Variants in GREB1 observed in about 807,000 individuals in gnomAD.
The protein encoded by GREB1 is growth regulating estrogen receptor binding 1.
Under a neutral mutation model 200.7 loss-of-function variants are expected in GREB1, and 106 were observed. The ratio of observed to expected loss-of-function variants is 0.53; its 90% confidence interval spans 0.45 to 0.62. The LOEUF is 0.62. Among genes scored for constraint, GREB1 ranks in the 20% least tolerant of loss-of-function variants. The pLI, the probability that GREB1 is intolerant of heterozygous loss-of-function variation, is 0.00. For synonymous variants in GREB1, 1,132 were observed against 1,092.4 expected, an observed-to-expected ratio of 1.04 and a Z score of -0.72; for missense variants, 2,243 against 2,556.8, an observed-to-expected ratio of 0.88 and a Z score of 2.65.
rs1439898450 is a variant in GREB1 at position 11,585,176 on chromosome 2, C to A, written c.917C>A (p.Ser306Tyr). The A allele has an allele frequency of 6.4e-7, 1 of 1,573,612 alleles. No homozygotes were observed. The highest frequency in any genetic ancestry group is 8.6e-7 in the Non-Finnish European group (1 of 1,163,212). Residue 306 changes from serine (S) to tyrosine (Y), a missense_variant, in exon 8 of 33, where the codon TCC becomes TAC. This residue lies in a region of GREB1 where 1,178 missense variants were observed against 1,387.4 expected (regional missense o/e 0.85). Coordinates refer to ENST00000381486, the MANE Select transcript of GREB1 (RefSeq NM_014668.4). ...TATTGTCTAGGTATCTTGTCAAACT[C>A]CGGGCCCCCCAAAAAACGCCACAAA... ...RPSALGILSN[S>Y]GPPKKRHKGW... is the part of the protein sequence containing the mutation.
At chr2:11,586,728 T>C (rs1028520743) in intron 9 of GREB1, among the ~76,000 whole-genome samples, 3 of 152,158 alleles carry the variant, frequency 2.0e-5, no homozygotes, top group Non-Finnish European at 4.4e-5. Flanking sequence ...CTACTGTTAA[T>C]TAAGAAATAA....
chr2:11,555,868 G>T (rs1265894513), intron 1 of GREB1, among the ~76,000 whole-genome samples: 1 of 152,150 alleles, frequency 6.6e-6, no homozygotes, highest in Admixed American at 6.5e-5. Flanking sequence ...GGTAAGGTAT[G>T]TGAATTATAT....
chr2:11,608,700 A>G (rs964658331), intron 17 of GREB1, among the ~76,000 whole-genome samples: 1 of 152,214 alleles, frequency 6.6e-6, no homozygotes, highest in East Asian at 1.9e-4. Flanking sequence ...GGTGTTCCAT[A>G]TTGGCTGTGG....
chr2:11,620,674 G>A (rs1428090740), intron 22 of GREB1, among the ~76,000 whole-genome samples: 1 of 152,166 alleles, frequency 6.6e-6, no homozygotes, highest in East Asian at 1.9e-4. Flanking sequence ...TTAAAATCTA[G>A]AGATGCGTGT....
intron 6 of GREB1, 49 bp downstream of exon 6, chr2:11,578,480 CTG>C: frequency 6.3e-7 from 1 of 1,597,392 alleles, no homozygotes; most frequent in Non-Finnish European, 8.6e-7. Context: ...AGAGCTGGCA[CTG>C]TCTCCGATGT....
intron 4 of GREB1, among the ~76,000 whole-genome samples, chr2:11,573,228 C>T (rs533548962): frequency 1.3e-5 from 2 of 152,304 alleles, no homozygotes; most frequent in South Asian, 4.1e-4. Context: ...GCACACATAG[C>T]CGCCCAGGAC....
At chr2:11,587,682 G>A in intron 9 of GREB1, 1 of 1,185,554 alleles carries the variant, frequency 8.4e-7, no homozygotes, top group Non-Finnish European at 1.1e-6. Context: ...TGGAGTACCT[G>A]GAGTACAAGA....
Position 11,519,719 on chromosome 2 carries a change from G to A in GREB1, c.-158-36738G>A, listed in dbSNP as rs774380277. On this transcript the variant is annotated intron_variant, in intron 1 of 2. Transcript: ENST00000628795. ...GATCCACCTGCCTTGGCCTCCCAAA[G>A]TGCTGTGATTACAGGCGTGAACCAC... 3.2e-4 allele frequency among the ~76,000 whole-genome samples: 48 copies of A among 152,088 alleles called. 1 individual carries two copies. Among genetic ancestry groups the A allele is most frequent in the Admixed American group, 7.9e-4 (12 of 15,280 alleles).
At chr2:11,579,408 C>T (rs973118667) in intron 6 of GREB1, among the ~76,000 whole-genome samples, 1 of 152,220 alleles carries the variant, frequency 6.6e-6, no homozygotes, top group Non-Finnish European at 1.5e-5. Flanking sequence ...TTGGGCAAAT[C>T]TCTTCTGTCT....
rs140194583 is a variant in GREB1 at position 11,627,149 on chromosome 2, A to G, written c.4449+45A>G. ...CACCAGGCATTTCACCTTGGCTCAC[A>G]TTGTCCGTTCCCCTGCTCTCTCACG... On this transcript the variant is annotated intron_variant, in intron 25 of 32. Transcript: ENST00000381486. The G allele has an allele frequency of 7.2e-4, 1,089 of 1,518,562 alleles. 12 individuals are homozygous for G. In the African/African-American group the frequency reaches 0.014, roughly 19 times the overall value. The allele number at this position is 1,518,562 out of a possible 1,614,324, so 94.1% of individuals were successfully genotyped here.
chr2:11,589,193 G>A (rs1017746046), intron 10 of GREB1, among the ~76,000 whole-genome samples: 1 of 152,222 alleles, frequency 6.6e-6, no homozygotes, highest in Non-Finnish European at 1.5e-5. Context: ...AGGGAATTGA[G>A]CAAAGACCCT....
intron 6 of GREB1, among the ~76,000 whole-genome samples, chr2:11,579,133 G>A (rs891146711): frequency 1.3e-5 from 2 of 152,206 alleles, no homozygotes; most frequent in Non-Finnish European, 2.9e-5. Context: ...AGGCACATTG[G>A]CCCTGGGAGG....
chr2:11,567,133 A>G (rs557680292), intron 4 of GREB1, among the ~76,000 whole-genome samples: 4 of 151,784 alleles, frequency 2.6e-5, no homozygotes, highest in South Asian at 2.1e-4. Flanking sequence ...TTGTTTGTTT[A>G]TTTATTTTGA....
chr2:11,499,367 C>T (rs1410782942), intron 1 of GREB1, among the ~76,000 whole-genome samples: 2 of 152,198 alleles, frequency 1.3e-5, no homozygotes, highest in Admixed American at 6.5e-5. Context: ...CTTTTGTTTC[C>T]GCTGGTCAGC....
intron 1 of GREB1, among the ~76,000 whole-genome samples, chr2:11,503,587 T>G (rs939984224): frequency 5.9e-5 from 9 of 152,194 alleles, no homozygotes; most frequent in Non-Finnish European, 1.0e-4. Flanking sequence ...ACTGCCAAAT[T>G]GCTCGCTAGC....
chr2:11,585,321 G>A (rs1187012101), intron 8 of GREB1, 47 bp downstream of exon 8: 2 of 1,177,934 alleles, frequency 1.7e-6, no homozygotes, highest in African/African-American at 3.1e-5. Context: ...GGGTACTGGT[G>A]GTAGTGCTGC....
intron 1 of GREB1, among the ~76,000 whole-genome samples, chr2:11,540,907 G>C (rs4319915): frequency 6.6e-6 from 1 of 152,226 alleles, no homozygotes; most frequent in Non-Finnish European, 1.5e-5. Flanking sequence ...ACAGGTTGAG[G>C]ACGCAGTCCG....
At chr2:11,527,128 A>C (rs533073966) in intron 1 of GREB1, among the ~76,000 whole-genome samples, 23 of 152,316 alleles carry the variant, frequency 1.5e-4, no homozygotes, top group African/African-American at 5.3e-4. Context: ...CAGCAGAGCC[A>C]TGTAGTGTAC....
At chr2:11,630,284 T>C (rs1479192913) in intron 26 of GREB1, among the ~76,000 whole-genome samples, 175 bp downstream of exon 26, 1 of 152,246 alleles carries the variant, frequency 6.6e-6, no homozygotes, top group Non-Finnish European at 1.5e-5. Flanking sequence ...AGCCTCAGCC[T>C]TGCTCTACCA....
Sources: allele counts gnomAD v4.1 joint callset (sites outside exome capture counted in the v4.1 genomes callset), GRCh38; gene constraint gnomAD v4.1.1; regional missense constraint gnomAD v4.1.1; transcripts MANE v1.5; gene names NCBI Gene and HGNC (gene_info 2026-07-23, HGNC 2026-07-21).